KHDRBS3: variants seen among roughly 807,000 people sequenced by gnomAD.
KHDRBS3 encodes the protein KH RNA binding domain containing, signal transduction associated 3.
Under a neutral mutation model 45.6 loss-of-function variants are expected in KHDRBS3, and 23 were observed. That is an observed-to-expected ratio of 0.50 (90% CI 0.36 to 0.72). KHDRBS3 has a LOEUF of 0.72. KHDRBS3 is among the 30% of genes least tolerant of loss of function. The probability of loss-of-function intolerance (pLI) is 0.00; values close to 1 mark genes in which losing one functional copy is unlikely to be tolerated. For synonymous variants in KHDRBS3, 162 were observed against 156.5 expected (o/e 1.04, Z -0.26); for missense variants, 352 against 424.8 (o/e 0.83, Z 1.51).
At chr8:135,569,973 T>C (rs1018613389) in intron 5 of KHDRBS3, among the ~76,000 whole-genome samples, 7 of 152,220 alleles carry the variant, frequency 4.6e-5, no homozygotes, top group African/African-American at 1.7e-4. Context: ...CTCTGCCTCT[T>C]ACTTTATTAA....
At chr8:135,470,651 TC>T (rs1563700835) in intron 1 of KHDRBS3, among the ~76,000 whole-genome samples, 1 of 151,666 alleles carries the variant, frequency 6.6e-6, no homozygotes, top group East Asian at 1.9e-4. Context: ...AATGATGTGA[TC>T]TCGGCTCACT....
At chr8:135,566,637 T>C (rs997620754) in intron 5 of KHDRBS3, among the ~76,000 whole-genome samples, 8 of 152,142 alleles carry the variant, frequency 5.3e-5, no homozygotes, top group South Asian at 2.1e-4. Flanking sequence ...GGAAGATCAC[T>C]TGAGCCCATG....
intron 1 of KHDRBS3, among the ~76,000 whole-genome samples, chr8:135,472,718 G>A (rs989678227): frequency 2.0e-5 from 3 of 152,158 alleles, no homozygotes; most frequent in Admixed American, 6.5e-5. Flanking sequence ...TAGATGGATC[G>A]CTTGTGGGTA....
chr8:135,553,581 T>C (rs2130816340), intron 4 of KHDRBS3, among the ~76,000 whole-genome samples: 1 of 152,334 alleles, frequency 6.6e-6, no homozygotes, highest in East Asian at 1.9e-4. Context: ...TAGATCACAA[T>C]ACAAACAGTG....
rs1827531029 is a variant in KHDRBS3, at chr8:135,568,349, A to G, written c.611+10762A>G. On this transcript the variant is annotated intron_variant, in intron 5 of 8. Transcript: ENST00000355849. The stretch of plus-strand genomic sequence containing the variant: ...ATAGAGCTTTTTCAAAAAATAACTA[A>G]TCAAGAACCTTACTTTCAGAGATGC... Among the ~76,000 whole-genome samples, 3 of 152,164 alleles carry G rather than the reference A, an allele frequency of 2.0e-5. No homozygotes were observed. The South Asian group carries it at 6.2e-4, about 32-fold the overall frequency.
chr8:135,567,359 T>G (rs1827478307), intron 5 of KHDRBS3, among the ~76,000 whole-genome samples: 1 of 152,040 alleles, frequency 6.6e-6, no homozygotes, highest in East Asian at 1.9e-4. Context: ...CCATCAGACA[T>G]TTTCATTAGT....
Position 135,489,165 on chromosome 8 carries a change from T to G in KHDRBS3, c.88+31211T>G, listed in dbSNP as rs988367206. Among the ~76,000 whole-genome samples, 3 of 152,206 alleles carry G rather than the reference T, an allele frequency of 2.0e-5. No individual in the cohort carries two copies. The South Asian group carries it at 6.2e-4, about 31-fold the overall frequency. ...TTTCTTTTTTCTTTTTTGGTAATTC[T>G]GTCCAATGCCTTCCCCAACTCCTTT... is the stretch of plus-strand genomic sequence containing the variant. On this transcript the variant is annotated intron_variant, in intron 1 of 8. Coordinates refer to ENST00000355849, the MANE Select transcript of KHDRBS3 (RefSeq NM_006558.3).
At chr8:135,497,387 A>G (rs1175864775) in intron 1 of KHDRBS3, among the ~76,000 whole-genome samples, 1 of 152,144 alleles carries the variant, frequency 6.6e-6, no homozygotes, top group Admixed American at 6.5e-5. Context: ...CCCTGCTTGC[A>G]TGTCTTTTCT....
intron 7 of KHDRBS3, among the ~76,000 whole-genome samples, chr8:135,639,870 C>T (rs1830987166): frequency 6.6e-6 from 1 of 152,192 alleles, no homozygotes; most frequent in Non-Finnish European, 1.5e-5. Context: ...ATCCAGTCAC[C>T]TCCCACCAGG....
intron 7 of KHDRBS3, among the ~76,000 whole-genome samples, chr8:135,643,274 A>G (rs905550448): frequency 6.6e-6 from 1 of 152,036 alleles, no homozygotes; most frequent in Non-Finnish European, 1.5e-5. Context: ...CCCTCAGAAC[A>G]CTGTGCAAGC....
At chr8:135,474,049 C>T (rs534362587) in intron 1 of KHDRBS3, among the ~76,000 whole-genome samples, 6 of 152,210 alleles carry the variant, frequency 3.9e-5, no homozygotes, top group South Asian at 4.1e-4. Flanking sequence ...ATAGACCATA[C>T]GAGGAATTAG....
intron 6 of KHDRBS3, among the ~76,000 whole-genome samples, chr8:135,601,923 C>G (rs187406854): frequency 6.6e-6 from 1 of 152,060 alleles, no homozygotes; most frequent in Non-Finnish European, 1.5e-5. Flanking sequence ...AAACGAGCAA[C>G]CAGTGATTCA....
At chr8:135,511,557 TG>T (rs1251531969) in intron 1 of KHDRBS3, among the ~76,000 whole-genome samples, 2 of 152,052 alleles carry the variant, frequency 1.3e-5, no homozygotes, top group African/African-American at 2.4e-5. Context: ...TTGTTGTTGT[TG>T]TTGTTGTTGT....
intron 6 of KHDRBS3, among the ~76,000 whole-genome samples, chr8:135,603,771 G>A (rs1464653182): frequency 6.6e-6 from 1 of 152,026 alleles, no homozygotes; most frequent in African/African-American, 2.4e-5. Flanking sequence ...CTTTATAGTA[G>A]CACACTATTT....
At chr8:135,542,805 A>G (rs779148625) in intron 3 of KHDRBS3, 35 bp downstream of exon 3, 15 of 1,322,276 alleles carry the variant, frequency 1.1e-5, no homozygotes, top group Non-Finnish European at 1.6e-5. Flanking sequence ...TAAGTTGTGT[A>G]TCATGTTATA....
chr8:135,500,088 T>C (rs1823656785), intron 1 of KHDRBS3, among the ~76,000 whole-genome samples: 2 of 152,268 alleles, frequency 1.3e-5, no homozygotes, highest in South Asian at 4.1e-4. Context: ...ATATCATTAA[T>C]TGAAGAAAGT....
chr8:135,597,054 A>G (rs1586778941), intron 6 of KHDRBS3, among the ~76,000 whole-genome samples: 2 of 152,210 alleles, frequency 1.3e-5, no homozygotes, highest in South Asian at 2.1e-4. Flanking sequence ...GTAATTAGAT[A>G]TTTTAGATGG....
chr8:135,482,263 G>C (rs1563710836), intron 1 of KHDRBS3, among the ~76,000 whole-genome samples: 1 of 152,178 alleles, frequency 6.6e-6, no homozygotes, highest in Non-Finnish European at 1.5e-5. Context: ...GGCTAAAGTT[G>C]TCCATAGGCA....
chr8:135,600,904 T>C (rs2131001841), intron 6 of KHDRBS3, among the ~76,000 whole-genome samples: 1 of 152,324 alleles, frequency 6.6e-6, no homozygotes, highest in Admixed American at 6.5e-5. Flanking sequence ...TTTCTCCGTG[T>C]TGCCTAGGCT....
Sources: allele counts gnomAD v4.1 joint callset (sites outside exome capture counted in the v4.1 genomes callset), GRCh38; gene constraint gnomAD v4.1.1; transcripts MANE v1.5; gene names NCBI Gene and HGNC (gene_info 2026-07-23, HGNC 2026-07-21).